NPAS3: variants seen among roughly 807,000 people sequenced by gnomAD.
NPAS3 encodes the protein neuronal PAS domain-containing protein 3.
In NPAS3, 14 loss-of-function variants were observed where a neutral mutation model predicts 73.1. The ratio of observed to expected loss-of-function variants is 0.19; its 90% CI spans 0.13 to 0.30. NPAS3 has a LOEUF of 0.30. Among genes scored for constraint, NPAS3 ranks in the 10% least tolerant of loss-of-function variants. The pLI is 1.00. For synonymous variants in NPAS3, 620 were observed against 541.5 expected, an observed-to-expected ratio of 1.14 and a Z score of -2.01; for missense variants, 1,096 against 1,250.0, an observed-to-expected ratio of 0.88 and a Z score of 1.86.
At position 33,195,385 on chromosome 14, in the gene NPAS3, G is replaced by A. The variant is rs974662454; in HGVS notation, c.141-19797G>A. ...TCCTGGGTTCAAGCAATTCTCCTGT[G>A]TCAGCCTCCCAAATAGCTGGGATTA... On this transcript the variant is annotated intron_variant, in intron 2 of 11. Transcript: ENST00000356141. Among the ~76,000 whole-genome samples the A allele has an allele frequency of 2.4e-4, 36 of 151,984 alleles. No homozygotes were observed. The Middle Eastern group carries it at 0.01, about 43-fold the overall frequency.
intron 1 of NPAS3, among the ~76,000 whole-genome samples, chr14:32,989,384 C>G (rs543243519): frequency 1.2e-4 from 19 of 152,312 alleles, no homozygotes; most frequent in African/African-American, 4.1e-4. Context: ...GTGGCTCACG[C>G]CTGTAATCCC....
intron 2 of NPAS3, chr14:33,214,848 CT>C (rs1350891302): frequency 4.2e-6 from 1 of 235,440 alleles, no homozygotes; most frequent in Non-Finnish European, 8.2e-6. Flanking sequence ...TAAATTGATT[CT>C]AGTTGATAAT....
At chr14:33,208,308 G>A (rs1039411487) in intron 2 of NPAS3, among the ~76,000 whole-genome samples, 1 of 152,020 alleles carries the variant, frequency 6.6e-6, no homozygotes, top group Admixed American at 6.6e-5. Flanking sequence ...ACCTCTCAGC[G>A]TTCTTTATTA....
At chr14:33,253,607 A>G (rs1223815738) in intron 3 of NPAS3, among the ~76,000 whole-genome samples, 1 of 151,934 alleles carries the variant, frequency 6.6e-6, no homozygotes, top group Non-Finnish European at 1.5e-5. Flanking sequence ...TGCTCAAATT[A>G]TCATTTTTCC....
intron 1 of NPAS3, among the ~76,000 whole-genome samples, chr14:33,016,212 C>A (rs4982035): frequency 0.84 from 127,927 of 152,070 alleles, 54,045 homozygotes; most frequent in East Asian, 0.99. Context: ...TATAGCTAGA[C>A]CTGTAACTGA....
intron 2 of NPAS3, among the ~76,000 whole-genome samples, chr14:33,144,199 G>T (rs748491768): frequency 3.2e-4 from 48 of 152,054 alleles, no homozygotes; most frequent in Non-Finnish European, 5.1e-4. Context: ...TTTCTAATGT[G>T]CTTGCCAATA....
At chr14:33,323,932 G>C (rs998565349) in intron 3 of NPAS3, among the ~76,000 whole-genome samples, 1 of 152,162 alleles carries the variant, frequency 6.6e-6, no homozygotes, top group Non-Finnish European at 1.5e-5. Flanking sequence ...TTCCCACTCT[G>C]TTTTTTGTAA....
intron 3 of NPAS3, among the ~76,000 whole-genome samples, chr14:33,360,285 T>C (rs184305969): frequency 5.3e-5 from 8 of 152,086 alleles, no homozygotes; most frequent in African/African-American, 1.7e-4. Flanking sequence ...TCCTATTCTA[T>C]ATTCTTTATT....
chr14:33,240,099 T>C (rs1328063415), intron 3 of NPAS3, among the ~76,000 whole-genome samples: 2 of 151,922 alleles, frequency 1.3e-5, no homozygotes, highest in African/African-American at 4.8e-5. Context: ...CTTTCTATTA[T>C]GTTGGTGGAA....
intron 3 of NPAS3, among the ~76,000 whole-genome samples, chr14:33,352,122 T>C (rs1324528543): frequency 6.6e-6 from 1 of 152,202 alleles, no homozygotes; most frequent in African/African-American, 2.4e-5. Context: ...GGAAAGGAGC[T>C]AATGTTTAGC....
chr14:33,145,769 C>T (rs1297436825), intron 2 of NPAS3, among the ~76,000 whole-genome samples: 1 of 152,120 alleles, frequency 6.6e-6, no homozygotes, highest in South Asian at 2.1e-4. Flanking sequence ...TCACTCAGTT[C>T]TTTGTCTTTG....
intron 4 of NPAS3, among the ~76,000 whole-genome samples, chr14:33,503,471 T>C (rs544116211): frequency 6.6e-6 from 1 of 152,086 alleles, no homozygotes; most frequent in Admixed American, 6.5e-5. Flanking sequence ...AAGACCGTAA[T>C]TGGTGAAACC....
At chr14:33,592,688 G>GAGC (rs1436075066) in intron 5 of NPAS3, among the ~76,000 whole-genome samples, 1 of 152,216 alleles carries the variant, frequency 6.6e-6, no homozygotes, top group Non-Finnish European at 1.5e-5. Context: ...AAATGCATTT[G>GAGC]AGCCAGGGGA....
intron 7 of NPAS3, among the ~76,000 whole-genome samples, chr14:33,755,799 G>C (rs933448077): frequency 2.0e-5 from 3 of 152,090 alleles, no homozygotes; most frequent in Admixed American, 2.0e-4. Flanking sequence ...ACCTGTATCT[G>C]TTCAACTTCT....
At chr14:33,269,229 C>T (rs1392708) in intron 3 of NPAS3, among the ~76,000 whole-genome samples, 1,766 of 152,300 alleles carry the variant, frequency 0.012, 44 homozygotes, top group African/African-American at 0.04. Context: ...TACCCTCTGT[C>T]AGGCTTTAGT....
intron 4 of NPAS3, among the ~76,000 whole-genome samples, chr14:33,558,353 C>T (rs559531642): frequency 2.1e-3 from 316 of 152,140 alleles, no homozygotes; most frequent in South Asian, 6.4e-3. Context: ...CTCCTCCTCC[C>T]GGGCTCAAGT....
At chr14:33,101,756 T>C (rs2042583776) in intron 2 of NPAS3, among the ~76,000 whole-genome samples, 1 of 152,078 alleles carries the variant, frequency 6.6e-6, no homozygotes, top group Admixed American at 6.6e-5. Context: ...CCCAGATCTC[T>C]CTCCTGACTT....
chr14:33,114,578 A>G (rs942873434), intron 2 of NPAS3, among the ~76,000 whole-genome samples: 15 of 152,150 alleles, frequency 9.9e-5, no homozygotes. Context: ...TAATTGAGAA[A>G]TGCTAGCACA....
intron 2 of NPAS3, among the ~76,000 whole-genome samples, chr14:33,143,487 G>A (rs2044132449): frequency 6.6e-6 from 1 of 150,668 alleles, no homozygotes; most frequent in Non-Finnish European, 1.5e-5. Flanking sequence ...ACGAAACTCT[G>A]TCTCAAAAAA....
Sources: allele counts gnomAD v4.1 joint callset (sites outside exome capture counted in the v4.1 genomes callset), GRCh38; gene constraint gnomAD v4.1.1; transcripts MANE v1.5; gene names NCBI Gene and HGNC (gene_info 2026-07-23, HGNC 2026-07-21).